Variants in SNX6 observed in about 807,000 individuals in gnomAD.
The protein encoded by SNX6 is sorting nexin-6.
SNX6 carries 34 observed loss-of-function variants against 63.0 expected under a neutral mutation model. That is an observed-to-expected ratio of 0.54 (90% CI 0.41 to 0.72). SNX6 has a LOEUF of 0.72. SNX6 is among the 30% of genes least tolerant of loss of function. The pLI is 0.00. For missense variants in SNX6, 398 were observed against 471.4 expected (o/e 0.84, Z 1.44); for synonymous variants, 170 against 164.2 (o/e 1.04, Z -0.27).
intron 11 of SNX6, chr14:34,569,096 G>A (rs1881325019): frequency 1.0e-6 from 1 of 985,450 alleles, no homozygotes; most frequent in South Asian, 1.3e-5. Flanking sequence ...ATGAACTCCT[G>A]CTGGTTCACA....
At chr14:34,627,948 T>C (rs78907845) in intron 2 of SNX6, among the ~76,000 whole-genome samples, 1 of 152,318 alleles carries the variant, frequency 6.6e-6, no homozygotes, top group African/African-American at 2.4e-5. Context: ...CAACAACTAG[T>C]AATTCTATAT....
At position 34,620,141 on chromosome 14, in the gene SNX6, G is replaced by A. The variant is rs148415936; in HGVS notation, c.54+9766C>T. On this transcript the variant is annotated intron_variant, in intron 2 of 13. Coordinates refer to ENST00000362031, the MANE Select transcript of SNX6 (RefSeq NM_152233.4). ...TATGCTCTTTGAAAACCACTCAGCA[G>A]TCCAGTCCTGTGCAACTCTGCTCAG... 7.2e-5 allele frequency among the ~76,000 whole-genome samples: 11 copies of A among 152,212 alleles called. No individual in the cohort carries two copies. The East Asian group carries it at 2.1e-3, about 29-fold the overall frequency.
chr14:34,589,041 C>T (rs1393338271), intron 8 of SNX6, among the ~76,000 whole-genome samples: 2 of 151,602 alleles, frequency 1.3e-5, no homozygotes, highest in South Asian at 2.1e-4. Context: ...GGCTGAGGCA[C>T]GAGGATTGCC....
chr14:34,621,020 C>T (rs1207944008), intron 2 of SNX6, among the ~76,000 whole-genome samples: 1 of 152,186 alleles, frequency 6.6e-6, no homozygotes, highest in Non-Finnish European at 1.5e-5. Context: ...ACAATCATAG[C>T]TCATTACAGC....
chr14:34,581,440 C>A (rs1881930384), intron 10 of SNX6, 121 bp downstream of exon 10: 1 of 520,988 alleles, frequency 1.9e-6, no homozygotes, highest in Non-Finnish European at 3.5e-6. Flanking sequence ...GCACGAGCCA[C>A]GTGCCTGGCC....
intron 2 of SNX6, among the ~76,000 whole-genome samples, chr14:34,622,569 CAAA>C (rs35554563): frequency 6.3e-4 from 63 of 99,652 alleles, no homozygotes; most frequent in Non-Finnish European, 6.7e-4. Context: ...GGCAATAGAG[CAAA>C]AAAAAAAAAA....
At chr14:34,609,373 C>T (rs192705589) in intron 3 of SNX6, among the ~76,000 whole-genome samples, 2 of 146,546 alleles carry the variant, frequency 1.4e-5, no homozygotes, top group Non-Finnish European at 3.0e-5. Context: ...CCCAGCTACT[C>T]TGGAGGCTGA....
intron 11 of SNX6, chr14:34,568,970 A>G (rs1881318793): frequency 7.1e-7 from 1 of 1,416,036 alleles, no homozygotes; most frequent in Admixed American, 1.7e-5. Flanking sequence ...CGCGTGTACA[A>G]CCAGTTCTCA....
chr14:34,596,392 A>T (rs1882598719), intron 7 of SNX6, among the ~76,000 whole-genome samples: 1 of 151,676 alleles, frequency 6.6e-6, no homozygotes, highest in South Asian at 2.1e-4. Flanking sequence ...AGGCCGAGGC[A>T]GACAGATCAC....
intron 10 of SNX6, 135 bp downstream of exon 10, chr14:34,581,426 A>G (rs751846619): frequency 1.3e-5 from 6 of 476,478 alleles, no homozygotes; most frequent in Non-Finnish European, 2.4e-5. Flanking sequence ...TGTTGGGATT[A>G]CAGGCACGAG....
intron 4 of SNX6, among the ~76,000 whole-genome samples, chr14:34,607,287 C>T (rs951796884): frequency 6.6e-6 from 1 of 151,706 alleles, no homozygotes; most frequent in African/African-American, 2.4e-5. Context: ...AGGCTGAGTG[C>T]GGCGTTTCAT....
At chr14:34,624,781 C>A (rs1039783077) in intron 2 of SNX6, among the ~76,000 whole-genome samples, 1 of 151,534 alleles carries the variant, frequency 6.6e-6, no homozygotes, top group Non-Finnish European at 1.5e-5. Context: ...AGCGACAGAG[C>A]AAGACTCCGT....
chr14:34,578,033 AC>A (rs535292455), intron 10 of SNX6, among the ~76,000 whole-genome samples: 16 of 143,108 alleles, frequency 1.1e-4, no homozygotes, highest in Non-Finnish European at 3.1e-5. Context: ...GTGAAACCCC[AC>A]CCCCCCGTCT....
intron 9 of SNX6, among the ~76,000 whole-genome samples, chr14:34,582,480 T>A (rs1277512066): frequency 6.6e-6 from 1 of 152,038 alleles, no homozygotes; most frequent in Non-Finnish European, 1.5e-5. Context: ...CTGCTGAGAT[T>A]ACAGGTGTGA....
At chr14:34,566,552 AAAC>A (rs1322993795) in intron 13 of SNX6, among the ~76,000 whole-genome samples, 3 of 152,232 alleles carry the variant, frequency 2.0e-5, no homozygotes, top group Admixed American at 1.3e-4. Flanking sequence ...ACTTTTTAAA[AAAC>A]AACTAGTCAA....
At chr14:34,590,009 A>T (rs1316614817) in intron 8 of SNX6, among the ~76,000 whole-genome samples, 1 of 152,078 alleles carries the variant, frequency 6.6e-6, no homozygotes, top group Non-Finnish European at 1.5e-5. Flanking sequence ...GGTCCCAGCT[A>T]CTTGGCAGGC....
chr14:34,611,359 C>A (rs531718790), intron 2 of SNX6, among the ~76,000 whole-genome samples: 1 of 152,250 alleles, frequency 6.6e-6, no homozygotes, highest in African/African-American at 2.4e-5. Context: ...ACCTGTAGTC[C>A]CAGCTACTTG....
At chr14:34,583,258 A>G (rs896114827) in intron 9 of SNX6, among the ~76,000 whole-genome samples, 1 of 152,122 alleles carries the variant, frequency 6.6e-6, no homozygotes, top group African/African-American at 2.4e-5. Flanking sequence ...GCAGTGAGCC[A>G]AGACTGAGCC....
At chr14:34,600,115 C>A (rs1218495372) in intron 6 of SNX6, among the ~76,000 whole-genome samples, 2 of 152,066 alleles carry the variant, frequency 1.3e-5, no homozygotes, top group Non-Finnish European at 2.9e-5. Context: ...CATTCTTACT[C>A]AAAAATTTTA....
Sources: gnomAD v4.1 joint callset for allele counts (sites outside exome capture counted in the v4.1 genomes callset) on GRCh38, gnomAD v4.1.1 for gene constraint, MANE v1.5 for transcripts, NCBI Gene and HGNC (gene_info 2026-07-23, HGNC 2026-07-21) for gene names.